The following HNRNPM variants were observed in gnomAD, a reference collection of about 807,000 sequenced individuals.
The protein encoded by HNRNPM is CEA receptor.
A neutral mutation model predicts 73.1 loss-of-function variants in HNRNPM; 11 were observed. The observed-to-expected ratio is 0.15, with a 90% CI of 0.09 to 0.25. The LOEUF (loss-of-function observed/expected upper bound fraction) is 0.25, where lower values mean the gene tolerates loss of function less well. Ranked by LOEUF, HNRNPM falls within the 10% of genes least tolerant of loss-of-function variation. The probability of loss-of-function intolerance (pLI) is 1.00; values close to 1 mark genes in which losing one functional copy is unlikely to be tolerated. For missense variants in HNRNPM, 789 were observed against 1,067.9 expected (o/e 0.74, Z 3.64); for synonymous variants, 407 against 355.2 (o/e 1.15, Z -1.64).
chr19:8,451,853 T>A lies in HNRNPM; in HGVS notation c.114-3552T>A, dbSNP rs550780469. 3.9e-5 allele frequency among the ~76,000 whole-genome samples: 6 copies of A among 152,230 alleles called. No homozygotes were observed. In the South Asian group the frequency reaches 1.2e-3, roughly 32 times the overall value. On this transcript the variant is annotated intron_variant, in intron 1 of 15. Transcript: ENST00000325495. ...AGTCTGCTTGAATATGTGTCTCGAA[T>A]GATATTTCTTTGAGGGTCATTCTCT... is the stretch of plus-strand genomic sequence containing the variant.
intron 11 of HNRNPM, 28 bp downstream of exon 11, chr19:8,473,736 A>G (rs1044164247): frequency 1.5e-6 from 2 of 1,352,320 alleles, no homozygotes; most frequent in African/African-American, 1.4e-5. Context: ...AAGTACAAGC[A>G]TAATCACTTT....
chr19:8,454,673 GCC>G (rs58635160), intron 1 of HNRNPM, among the ~76,000 whole-genome samples: 2 of 103,004 alleles, frequency 1.9e-5, no homozygotes, highest in African/African-American at 3.5e-5. Flanking sequence ...ATCATTTTAT[GCC>G]CCCCCCCCCT....
In HNRNPM at chr19:8,485,914, C is replaced by T. The variant is rs1295130615; in HGVS notation, c.1486C>T (p.Arg496Cys). The T allele has an allele frequency of 6.2e-7, 1 of 1,604,820 alleles. No homozygotes were observed. Among genetic ancestry groups the T allele is most frequent in the Non-Finnish European group, 8.5e-7 (1 of 1,179,518 alleles). ...MGAGMGFGLE[R>C]MAAPIDRVGQ... ...TGCCGGCATGGGCTTCGGCCTTGAG[C>T]GCATGGCCGCTCCCATCGACCGTGT... Residue 496 changes from arginine to cysteine, a missense_variant, in exon 14 of 16, where the codon CGC becomes TGC. By Grantham distance (180) the Arg-to-Cys change is radical (BLOSUM62 -3). This residue lies in a region of HNRNPM where 604 missense variants were observed against 744.0 expected (regional missense o/e 0.81). Coordinates refer to ENST00000325495, the MANE Select transcript of HNRNPM (RefSeq NM_005968.5).
intron 12 of HNRNPM, among the ~76,000 whole-genome samples, chr19:8,475,905 CTTTTTT>C (rs71175865): frequency 5.2e-5 from 6 of 114,406 alleles, no homozygotes; most frequent in East Asian, 2.4e-4. Context: ...CCATCTCTCT[CTTTTTT>C]TTTTTTTTTT....
chr19:8,468,489 CTCAAAAG>C (rs1407980951), intron 8 of HNRNPM, among the ~76,000 whole-genome samples: 3 of 152,140 alleles, frequency 2.0e-5, no homozygotes, highest in Non-Finnish European at 4.4e-5. Flanking sequence ...ATTCACGTGA[CTCAAAAG>C]TCAAAAGGCA....
intron 2 of HNRNPM, among the ~76,000 whole-genome samples, chr19:8,460,434 C>T (rs1969321350): frequency 1.3e-5 from 2 of 151,988 alleles, no homozygotes; most frequent in Admixed American, 6.6e-5. Context: ...CATGCTGGAC[C>T]CCCGGGTGAC....
intron 1 of HNRNPM, among the ~76,000 whole-genome samples, chr19:8,449,286 T>G (rs1968445761): frequency 6.6e-6 from 1 of 152,212 alleles, no homozygotes; most frequent in African/African-American, 2.4e-5. Context: ...TGCTTGTTTT[T>G]TTGGGAGGGG....
intron 5 of HNRNPM, among the ~76,000 whole-genome samples, chr19:8,464,024 T>C (rs1185049847): frequency 6.6e-6 from 1 of 152,154 alleles, no homozygotes; most frequent in Non-Finnish European, 1.5e-5. Flanking sequence ...ATCTTTTTTC[T>C]TTTTTTAAAA....
chr19:8,474,347 T>A (rs982289848), intron 12 of HNRNPM, 103 bp downstream of exon 12: 1 of 671,982 alleles, frequency 1.5e-6, no homozygotes, highest in Non-Finnish European at 2.4e-6. Context: ...GTTTCTCACT[T>A]CTGCTTTTCA....
Position 8,471,392 on chromosome 19 carries a change from A to T in HNRNPM, c.962A>T (p.Asn321Ile). Reference protein sequence around the residue: ...GGQPIDANHLNKGIGMGNIGP... With the variant: ...GGQPIDANHLIKGIGMGNIGP... The stretch of plus-strand genomic sequence containing the variant: ...CAACCCATTGATGCCAATCACCTGA[A>T]TAAAGGCATCGGAATGGGAAACATA... The change falls in exon 10 of 16, where the codon AAT becomes ATT. Residue 321 changes from asparagine to isoleucine, a missense_variant. Physicochemically the swap from Asn to Ile is moderately radical, Grantham distance 149 (BLOSUM62 -3). Transcript: ENST00000325495. The T allele has an allele frequency of 6.2e-7, 1 of 1,607,730 alleles. No individual in the cohort carries two copies.
At chr19:8,454,727 A>C (rs1968882116) in intron 1 of HNRNPM, among the ~76,000 whole-genome samples, 1 of 133,886 alleles carries the variant, frequency 7.5e-6, no homozygotes, top group African/African-American at 2.7e-5. Context: ...TTGTGAAGCT[A>C]AAATTGGATG....
At chr19:8,478,847 T>TA (rs1970692929) in intron 12 of HNRNPM, among the ~76,000 whole-genome samples, 1 of 152,094 alleles carries the variant, frequency 6.6e-6, no homozygotes, top group Non-Finnish European at 1.5e-5. Context: ...AAAGCCCTGC[T>TA]AATTGGGGCA....
At chr19:8,450,711 A>AATTATT (rs748689245) in intron 1 of HNRNPM, among the ~76,000 whole-genome samples, 16 of 124,732 alleles carry the variant, frequency 1.3e-4, no homozygotes, top group African/African-American at 4.3e-4. Flanking sequence ...TAATTTAATT[A>AATTATT]ATTATTATTA....
chr19:8,478,302 T>C (rs530545773), intron 12 of HNRNPM, among the ~76,000 whole-genome samples: 1 of 152,180 alleles, frequency 6.6e-6, no homozygotes, highest in East Asian at 1.9e-4. Flanking sequence ...GCTGACTTGG[T>C]GGTGGCTGTC....
intron 13 of HNRNPM, among the ~76,000 whole-genome samples, chr19:8,485,105 C>A (rs1971180961): frequency 6.6e-6 from 1 of 151,934 alleles, no homozygotes; most frequent in Non-Finnish European, 1.5e-5. Context: ...TGAGGAAATG[C>A]AGCCAGAGTG....
chr19:8,460,477 A>AGG (rs1210870693), intron 2 of HNRNPM, among the ~76,000 whole-genome samples: 3 of 152,180 alleles, frequency 2.0e-5, no homozygotes, highest in Non-Finnish European at 4.4e-5. Context: ...AGGTAAAAAG[A>AGG]GGGAGAACGT....
In HNRNPM at chr19:8,485,508, CT is replaced by C. The variant is rs553679372; in HGVS notation, c.1175-94del. On this transcript the variant is annotated intron_variant, in intron 13 of 15. Coordinates refer to ENST00000325495, the MANE Select transcript of HNRNPM (RefSeq NM_005968.5). ...GGTAAATTATGGTGGGCCTTTACCC[CT>C]GATCCATGCCCATGAGCTGAAGTGG... The C allele has an allele frequency of 4.7e-4, 590 of 1,246,908 alleles. No individual in the cohort carries two copies. The African/African-American group carries it at 7.4e-3, about 16-fold the overall frequency. The allele number at this position is 1,246,908 out of a possible 1,614,324, so 77.2% of individuals were successfully genotyped here.
intron 8 of HNRNPM, 30 bp downstream of exon 8, chr19:8,467,614 T>C (rs1479610809): frequency 1.3e-6 from 2 of 1,500,878 alleles, no homozygotes; most frequent in African/African-American, 2.8e-5. Context: ...CTCTGTGATA[T>C]ACTCAAGTCT....
chr19:8,486,139 A>G lies in HNRNPM; in HGVS notation c.1711A>G (p.Met571Val), dbSNP rs1291135907. The change falls in exon 14 of 16, where the codon ATG (methionine) becomes GTG (valine). Residue 571 changes from methionine to valine, a missense_variant. Met to Val is a conservative substitution (Grantham distance 21, BLOSUM62 1). Coordinates refer to ENST00000325495, the MANE Select transcript of HNRNPM (RefSeq NM_005968.5). ...NNLERMGLERMGANSLERMGL... is the reference protein window; with the variant it reads ...NNLERMGLERVGANSLERMGL... ...TCTGGAGCGGATGGGCCTGGAGCGC[A>G]TGGGCGCCAACAGCCTCGAGCGCAT... The G allele has an allele frequency of 5.0e-6, 8 of 1,604,028 alleles. No homozygotes were observed. The Admixed American group carries it at 5.0e-5, about 10-fold the overall frequency.
Sources: gnomAD v4.1 joint callset for allele counts (sites outside exome capture counted in the v4.1 genomes callset) on GRCh38, gnomAD v4.1.1 for gene constraint, gnomAD v4.1.1 regional missense constraint, MANE v1.5 for transcripts, NCBI Gene and HGNC (gene_info 2026-07-23, HGNC 2026-07-21) for gene names.